Variants in ZNF23 observed in about 807,000 individuals in gnomAD.
ZNF23 encodes the protein zinc finger protein 23, also known as kruppel-like zinc finger factor X31.
A neutral mutation model predicts 56.2 loss-of-function variants in ZNF23; 48 were observed. The ratio of observed to expected loss-of-function variants is 0.85; its 90% CI spans 0.68 to 1.09. ZNF23 has a LOEUF of 1.09. ZNF23 is among the 50% of genes least tolerant of loss of function. The pLI, the probability that ZNF23 is intolerant of heterozygous loss-of-function variation, is 0.00. For synonymous variants in ZNF23, 266 were observed against 283.3 expected, an observed-to-expected ratio of 0.94 and a Z score of 0.61; for missense variants, 805 against 811.4, an observed-to-expected ratio of 0.99 and a Z score of 0.10.
intron 3 of ZNF23, chr16:71,453,772 AC>A: frequency 1.8e-6 from 1 of 563,900 alleles, no homozygotes. Context: ...CCACTGTGGA[AC>A]AGGAAGCAAC....
chr16:71,453,386 A>G, intron 3 of ZNF23, 36 bp from the exon 4 acceptor site: 2 of 1,451,200 alleles, frequency 1.4e-6, no homozygotes, highest in Non-Finnish European at 1.9e-6. Context: ...AGACAGATGA[A>G]TAAACTCCCA....
At chr16:71,457,375 T>A (rs191225426) in intron 1 of ZNF23, among the ~76,000 whole-genome samples, 1 of 152,124 alleles carries the variant, frequency 6.6e-6, no homozygotes, top group Non-Finnish European at 1.5e-5. Flanking sequence ...CCATCCTGGC[T>A]AACACGGTGA....
Position 71,448,120 on chromosome 16 carries a change from C to A in ZNF23, c.2034G>T (p.Gln678His). 6.2e-7 allele frequency: 1 copy of A among 1,611,458 alleles called. No individual in the cohort carries two copies. The highest frequency in any genetic ancestry group is 8.5e-7 in the Non-Finnish European group (1 of 1,178,938). The change falls in exon 5 of 5, where the codon CAG becomes CAT. Residue 678 changes from glutamine (Q) to histidine (H), a missense_variant. By Grantham distance (24) the Gln-to-His change is conservative. Coordinates refer to ENST00000647773, the MANE Select transcript of ZNF23 (RefSeq NM_001381984.1). ...AGGATTTTCCTTCACTATGGACACT[C>A]TGATGCTGACTGAGCTGGAAGCTAA... ...FRFSFQLSQHQSVHSEGKS is the reference protein window; with the variant it reads ...FRFSFQLSQHHSVHSEGKS
Position 71,449,269 on chromosome 16 carries a change from A to C in ZNF23, c.885T>G (p.Tyr295Ter). The C allele has an allele frequency of 6.2e-7, 1 of 1,614,176 alleles. No individual in the cohort carries two copies. Among genetic ancestry groups the C allele is most frequent in the African/African-American group, 1.3e-5 (1 of 75,044 alleles). ...AGGCCTTCCCACACATCTTACACTG[A>C]TAGGGCTTCTCCCCACTGTGGATTG... ...HQTIHSGEKP[Y>*]QCKMCGKAFS... The change falls in exon 5 of 5, where the codon TAT (tyrosine) becomes TAG (stop). Residue 295 changes from tyrosine (Y) to a stop codon, truncating the protein, a stop_gained. Coordinates refer to ENST00000647773, the MANE Select transcript of ZNF23 (RefSeq NM_001381984.1). LOFTEE classifies it high-confidence loss of function.
rs1440584791 is a variant in ZNF23 at position 71,449,330 on chromosome 16, C to T, written c.824G>A (p.Ser275Asn). 1.2e-6 allele frequency: 2 copies of T among 1,613,924 alleles called. No individual in the cohort carries two copies. Among genetic ancestry groups the T allele is most frequent in the Admixed American group, 1.7e-5 (1 of 59,990 alleles). The change falls in exon 5 of 5, where the codon AGC becomes AAC. Residue 275 changes from serine (S) to asparagine (N), a missense_variant. Coordinates refer to ENST00000647773, the MANE Select transcript of ZNF23 (RefSeq NM_001381984.1). ...KPFKCVECGK[S>N]FSYSSHYITH... is the part of the protein sequence containing the mutation. ...GATATAATGGGAACTGTAGCTGAAG[C>T]TTTTCCCACACTCCACACATTTGAA...
chr16:71,452,294 A>G (rs942626939), intron 4 of ZNF23: 2 of 152,216 alleles, frequency 1.3e-5, no homozygotes, highest in Admixed American at 6.5e-5. Flanking sequence ...ATCAAAAGGA[A>G]TAAAAACCTA....
chr16:71,453,963 C>T (rs2043138481), intron 3 of ZNF23, 79 bp downstream of exon 3: 2 of 1,508,720 alleles, frequency 1.3e-6, no homozygotes, highest in Admixed American at 1.7e-5. Flanking sequence ...CCAGAGATCC[C>T]CTCAGTAACC....
In ZNF23 at chr16:71,448,800, G is replaced by A; in HGVS notation, c.1354C>T (p.Gln452Ter). ...TCGCCTGTGTGAATTCTCTGGTGTT[G>A]GATTAACTTCCCTTTGACACTGAAG... is the stretch of plus-strand genomic sequence containing the variant. ...KAFSVKGKLIQHQRIHTGEKP... is the reference protein window; with the variant it reads ...KAFSVKGKLI The change falls in exon 5 of 5, where the codon CAA becomes TAA. Residue 452 changes from glutamine to a stop codon, truncating the protein, a stop_gained. Transcript: ENST00000647773. LOFTEE classifies it high-confidence loss of function. The A allele has an allele frequency of 6.2e-7, 1 of 1,614,084 alleles. No homozygotes were observed. The highest frequency in any genetic ancestry group is 8.5e-7 in the Non-Finnish European group (1 of 1,180,014).
intron 1 of ZNF23, chr16:71,461,557 C>T (rs1410942074): frequency 6.6e-6 from 1 of 152,184 alleles, no homozygotes; most frequent in Non-Finnish European, 1.5e-5. Flanking sequence ...GATTCTGAGA[C>T]TACTAAATAT....
intron 3 of ZNF23, chr16:71,453,631 T>C: frequency 2.1e-6 from 1 of 475,482 alleles, no homozygotes; most frequent in Non-Finnish European, 3.8e-6. Context: ...CTAGGAGACC[T>C]CATGCAGGGC....
Position 71,448,749 on chromosome 16 carries a change from C to T in ZNF23, c.1405G>A (p.Gly469Arg), listed in dbSNP as rs201062958. The T allele has an allele frequency of 1.9e-5, 31 of 1,614,156 alleles. No homozygotes were observed. Among genetic ancestry groups the T allele is most frequent in the East Asian group, 4.5e-5 (2 of 44,880 alleles). ...TGGGAGTTACATCTGAAGGCTTTCC[C>T]GCATTCATTACACTCATAGGGTTTC... ...GEKPYECNEC[G>R]KAFRCNSQFR... is the part of the protein sequence containing the mutation. The change falls in exon 5 of 5, where the codon GGG becomes AGG. Residue 469 changes from glycine (G) to arginine (R), a missense_variant. Coordinates refer to ENST00000647773, the MANE Select transcript of ZNF23 (RefSeq NM_001381984.1).
rs1361276550 is a variant in ZNF23, at chr16:71,462,197, G to C, written c.-33+13C>G. 6.6e-6 allele frequency: 1 copy of C among 152,370 alleles called. No individual in the cohort carries two copies. The highest frequency in any genetic ancestry group is 2.4e-5 in the African/African-American group (1 of 41,478). 9.4% of individuals were successfully genotyped at this position (152,370 alleles called of 1,614,324 possible). On this transcript the variant is annotated intron_variant, in intron 1 of 4. Transcript: ENST00000647773. ...CAGGGCACGGCACACAGCGCCCGGA[G>C]CCCTGCACTCACCTCCGTAGCGGAC...
intron 4 of ZNF23, chr16:71,452,789 T>C (rs1480639588): frequency 1.3e-5 from 2 of 154,954 alleles, no homozygotes; most frequent in African/African-American, 4.8e-5. Flanking sequence ...AACACTCAAA[T>C]AACCTACTCA....
At chr16:71,453,179 T>G in intron 4 of ZNF23, 64 bp downstream of exon 4, 2 of 1,233,742 alleles carry the variant, frequency 1.6e-6, no homozygotes, top group Non-Finnish European at 1.2e-6. Flanking sequence ...TATATGTTGC[T>G]AAAGCTGGCT....
intron 1 of ZNF23, chr16:71,461,553 G>A (rs1567565661): frequency 1.3e-5 from 2 of 152,184 alleles, no homozygotes; most frequent in Non-Finnish European, 2.9e-5. Flanking sequence ...TAGCGATTCT[G>A]AGACTACTAA....
At chr16:71,456,122 C>G (rs2043223122) in intron 2 of ZNF23, 1 of 446,654 alleles carries the variant, frequency 2.2e-6, no homozygotes, top group African/African-American at 2.0e-5. Context: ...CGTGAAGTCC[C>G]TGAAAATGTA....
chr16:71,461,211 A>G (rs2043442175), intron 1 of ZNF23, among the ~76,000 whole-genome samples: 1 of 152,190 alleles, frequency 6.6e-6, no homozygotes, highest in African/African-American at 2.4e-5. Flanking sequence ...TGATAAATTC[A>G]GCAGTACTGG....
At position 71,460,994 on chromosome 16, in the gene ZNF23, T is replaced by C. The variant is rs546001742; in HGVS notation, c.-33+1216A>G. On this transcript the variant is annotated intron_variant, in intron 1 of 4. Transcript: ENST00000647773. ...ACAGAATGAATTTGGAAACTTAACA[T>C]TGAATTATGCGAGTCCCAGATGACT... Among the ~76,000 whole-genome samples the C allele has an allele frequency of 2.0e-5, 3 of 152,308 alleles. No individual in the cohort carries two copies. In the South Asian group the frequency reaches 6.2e-4, roughly 32 times the overall value.
intron 1 of ZNF23, among the ~76,000 whole-genome samples, chr16:71,458,178 G>C (rs990911294): frequency 3.3e-5 from 5 of 152,212 alleles, no homozygotes; most frequent in African/African-American, 1.2e-4. Flanking sequence ...TTCTGCGTCA[G>C]CTCCTGAGAG....
Sources: allele counts gnomAD v4.1 joint callset (sites outside exome capture counted in the v4.1 genomes callset), GRCh38; gene constraint gnomAD v4.1.1; transcripts MANE v1.5; gene names NCBI Gene and HGNC (gene_info 2026-07-23, HGNC 2026-07-21).